Variants in TULP2 observed in about 807,000 individuals in gnomAD.
TULP2 encodes TUB like protein 2, also known as tubby-related protein 2.
Under a neutral mutation model 60.3 loss-of-function variants are expected in TULP2, and 64 were observed. That is an observed-to-expected ratio of 1.06 (90% CI 0.87 to 1.31). The LOEUF is 1.31. TULP2 is among the 50% of genes most tolerant of loss of function. The probability of loss-of-function intolerance (pLI) is 0.00; values close to 1 mark genes in which losing one functional copy is unlikely to be tolerated. For synonymous variants in TULP2, 267 were observed against 265.4 expected, an observed-to-expected ratio of 1.01 and a Z score of -0.06; for missense variants, 652 against 667.0, an observed-to-expected ratio of 0.98 and a Z score of 0.25.
At chr19:48,891,883 G>A (rs1406944770) in intron 6 of TULP2, among the ~76,000 whole-genome samples, 1 of 152,190 alleles carries the variant, frequency 6.6e-6, no homozygotes, top group East Asian at 1.9e-4. Context: ...AAAAGACTCT[G>A]TGTCATAAAT....
chr19:48,895,592 C>T, intron 4 of TULP2, 89 bp from the exon 5 acceptor site: 2 of 1,503,708 alleles, frequency 1.3e-6, no homozygotes, highest in Non-Finnish European at 1.8e-6. Flanking sequence ...TCCCAAATAT[C>T]ACCCCCGCCA....
chr19:48,881,127 C>G lies in TULP2; in HGVS notation c.1448-1G>C. ...CCGAACTGGAGCACCAGATGTTCTT[C>G]TGAGAAGTGAATCAGGAACAAAGCC... On this transcript the variant is annotated splice_acceptor_variant, in intron 12 of 12. Coordinates refer to ENST00000221399, the MANE Select transcript of TULP2 (RefSeq NM_003323.3). LOFTEE classifies it high-confidence loss of function. 6.2e-7 allele frequency: 1 copy of G among 1,603,884 alleles called. No homozygotes were observed. The highest frequency in any genetic ancestry group is 1.3e-5 in the African/African-American group (1 of 74,596).
At chr19:48,888,844 A>G (rs1320201244) in intron 7 of TULP2, among the ~76,000 whole-genome samples, 1 of 151,800 alleles carries the variant, frequency 6.6e-6, no homozygotes, top group Non-Finnish European at 1.5e-5. Flanking sequence ...CTGGTCTGGA[A>G]CTCCTGACCT....
chr19:48,895,038 C>T lies in TULP2; in HGVS notation c.474G>A (p.Pro158=), dbSNP rs1473264295. 3.1e-6 allele frequency: 5 copies of T among 1,614,000 alleles called. No individual in the cohort carries two copies. Among genetic ancestry groups the T allele is most frequent in the Non-Finnish European group, 4.2e-6 (5 of 1,180,000 alleles). ...CTTGCCAACCCTTGCGTCGGATTCT[C>T]GGAGACTGTTTAAAAGGTGGGGGAG... is the stretch of plus-strand genomic sequence containing the variant. ...SVSPPPFKQS[P]RIRRKGWQAH... Residue 158 remains proline (P), a synonymous_variant, in exon 6 of 13, where the codon CCG becomes CCA. Coordinates refer to ENST00000221399, the MANE Select transcript of TULP2 (RefSeq NM_003323.3).
At chr19:48,883,257 A>C (rs967789065) in intron 11 of TULP2, among the ~76,000 whole-genome samples, 1 of 151,876 alleles carries the variant, frequency 6.6e-6, no homozygotes, top group African/African-American at 2.4e-5. Context: ...AGTCTAAAAG[A>C]AGCAGGAACC....
chr19:48,893,756 G>T (rs941158127), intron 6 of TULP2, among the ~76,000 whole-genome samples: 1 of 152,006 alleles, frequency 6.6e-6, no homozygotes, highest in African/African-American at 2.4e-5. Flanking sequence ...GTTTCACCAT[G>T]TTGGCCAGAC....
chr19:48,891,032 T>C (rs948517476), intron 6 of TULP2, among the ~76,000 whole-genome samples: 3 of 149,396 alleles, frequency 2.0e-5, no homozygotes, highest in Non-Finnish European at 3.0e-5. Context: ...TAAAATTTTA[T>C]GGCCGGGCAC....
At chr19:48,891,714 C>T (rs1334419731) in intron 6 of TULP2, among the ~76,000 whole-genome samples, 2 of 152,070 alleles carry the variant, frequency 1.3e-5, no homozygotes, top group African/African-American at 4.8e-5. Flanking sequence ...GAAAAGTGGG[C>T]CCAGGGGACC....
In TULP2 at chr19:48,892,919, C is replaced by T. The variant is rs898442285; in HGVS notation, c.514+2079G>A. ...CAGCCTAGGTGACAGAGTGAGACTC[C>T]GTCTCAAAAAAAAAAAAAATCATTA... On this transcript the variant is annotated intron_variant, in intron 6 of 12. Coordinates refer to ENST00000221399, the MANE Select transcript of TULP2 (RefSeq NM_003323.3). Among the ~76,000 whole-genome samples the T allele has an allele frequency of 4.7e-5, 7 of 147,640 alleles. No homozygotes were observed. The South Asian group carries it at 8.4e-4, about 18-fold the overall frequency.
In TULP2 at chr19:48,897,804, C is replaced by T. The variant is rs377277183; in HGVS notation, c.32+33G>A. On this transcript the variant is annotated intron_variant, in intron 2 of 12. Transcript: ENST00000221399. The surrounding 1 kb of genome is among the most constrained non-coding windows in gnomAD (Gnocchi z 4.0). The stretch of plus-strand genomic sequence containing the variant: ...TGCACGGGGTCCCCAGCCCTTTCCA[C>T]CTCCACCCCTACCCATCTGTTTCCC... The T allele has an allele frequency of 2.2e-5, 36 of 1,613,014 alleles. No homozygotes were observed. Among genetic ancestry groups the T allele is most frequent in the Non-Finnish European group, 2.8e-5 (33 of 1,179,360 alleles).
intron 6 of TULP2, among the ~76,000 whole-genome samples, chr19:48,889,983 C>T (rs184387144): frequency 2.7e-4 from 41 of 152,322 alleles, no homozygotes; most frequent in Admixed American, 2.5e-3. Flanking sequence ...CAAGATTTCT[C>T]CCCATGTGAT....
rs1333601788 is a variant in TULP2 at position 48,895,489 on chromosome 19, A to G, written c.226T>C (p.Phe76Leu). ...LLGDRGLGNP[F>L]LRKKVSEAHL... is the part of the protein sequence containing the mutation. ...GCCTCTGACACTTTCTTCCGGAGGA[A>G]AGGGTTCCCAAGGCCTGGGAGAAGG... is the stretch of plus-strand genomic sequence containing the variant. Residue 76 changes from phenylalanine (F) to leucine (L), a missense_variant, in exon 5 of 13, where the codon TTC becomes CTC. Physicochemically the swap from Phe to Leu is conservative, Grantham distance 22 (BLOSUM62 0). Transcript: ENST00000221399. The G allele has an allele frequency of 4.4e-6, 7 of 1,607,376 alleles. No individual in the cohort carries two copies. Among genetic ancestry groups the G allele is most frequent in the East Asian group, 2.2e-5 (1 of 44,672 alleles).
At chr19:48,884,965 A>G (rs570184686) in intron 9 of TULP2, among the ~76,000 whole-genome samples, 1 of 135,384 alleles carries the variant, frequency 7.4e-6, no homozygotes, top group Admixed American at 8.3e-5. Flanking sequence ...CAGTGGCTCA[A>G]TCTTAGCTTA....
intron 4 of TULP2, among the ~76,000 whole-genome samples, chr19:48,895,704 A>G (rs2037272721): frequency 6.6e-6 from 1 of 151,978 alleles, no homozygotes; most frequent in East Asian, 1.9e-4. Flanking sequence ...ACATGGAGAA[A>G]CACCGTCTCT....
intron 1 of TULP2, 146 bp from the exon 2 acceptor site, chr19:48,898,015 C>T (rs984245856): frequency 2.4e-5 from 14 of 593,992 alleles, no homozygotes; most frequent in African/African-American, 2.3e-4. Flanking sequence ...CTCTGTCGCC[C>T]AGGCTGCAGT....
At chr19:48,881,975 T>C in intron 12 of TULP2, 57 bp downstream of exon 12, 1 of 1,612,080 alleles carries the variant, frequency 6.2e-7, no homozygotes, top group Non-Finnish European at 8.5e-7. Context: ...TTCCCTTCCG[T>C]TCACACCCTA....
chr19:48,881,112 G>C lies in TULP2; in HGVS notation c.1462C>G (p.Leu488Val). The C allele has an allele frequency of 6.2e-7, 1 of 1,612,040 alleles. No homozygotes were observed. ...TCTGGGCCCACTCGGCCGAACTGGA[G>C]CACCAGATGTTCTTCTGAGAAGTGA... ...VDPKHQEHLV[L>V]QFGRVGPDTF... The change falls in exon 13 of 13, where the codon CTC (leucine) becomes GTC (valine). Residue 488 changes from leucine to valine, a missense_variant. Transcript: ENST00000221399.
intron 7 of TULP2, among the ~76,000 whole-genome samples, chr19:48,889,198 A>C (rs1307849278): frequency 6.6e-6 from 1 of 150,668 alleles, no homozygotes; most frequent in Non-Finnish European, 1.5e-5. Flanking sequence ...CTGGTCACGA[A>C]CTCCTGACCT....
In TULP2 at chr19:48,883,232, AAG is replaced by A. The variant is rs1338442842; in HGVS notation, c.1275+520_1275+521del. On this transcript the variant is annotated intron_variant, in intron 11 of 12. Coordinates refer to ENST00000221399, the MANE Select transcript of TULP2 (RefSeq NM_003323.3). ...AGACTCTGTCTCAAAAAAAAAAAAA[AAG>A]AAAGAAAGAGAGAGTCTAAAAGAAG... 1.6e-4 allele frequency among the ~76,000 whole-genome samples: 25 copies of A among 151,770 alleles called. No individual in the cohort carries two copies. The South Asian group carries it at 2.9e-3, about 18-fold the overall frequency.
Sources: allele counts gnomAD v4.1 joint callset (sites outside exome capture counted in the v4.1 genomes callset), GRCh38; gene constraint gnomAD v4.1.1; non-coding constraint Gnocchi (gnomAD v3.1); transcripts MANE v1.5; gene names NCBI Gene and HGNC (gene_info 2026-07-23, HGNC 2026-07-21).